The following PPIG variants were observed in gnomAD, a reference collection of about 807,000 sequenced individuals.
PPIG encodes the protein peptidyl-prolyl cis-trans isomerase G.
PPIG carries 26 observed loss-of-function variants against 87.9 expected under a neutral mutation model. That is an observed-to-expected ratio of 0.30 (90% confidence interval 0.22 to 0.41). The LOEUF is 0.41. Ranked by LOEUF, PPIG falls within the 10% of genes least tolerant of loss-of-function variation. The probability of loss-of-function intolerance (pLI) is 1.00; values close to 1 mark genes in which losing one functional copy is unlikely to be tolerated. For synonymous variants in PPIG, 308 were observed against 276.5 expected (o/e 1.11, Z -1.13); for missense variants, 722 against 879.4 (o/e 0.82, Z 2.26).
intron 1 of PPIG, among the ~76,000 whole-genome samples, chr2:169,591,290 T>C (rs1574433981): frequency 6.6e-6 from 1 of 152,316 alleles, no homozygotes; most frequent in East Asian, 1.9e-4. Context: ...GGTTACCTCT[T>C]ACTGATTTTT....
intron 1 of PPIG, among the ~76,000 whole-genome samples, chr2:169,594,502 C>T (rs1056055947): frequency 2.6e-5 from 4 of 151,920 alleles, no homozygotes; most frequent in Non-Finnish European, 4.4e-5. Flanking sequence ...CTTACTGATA[C>T]GTGTGAAATT....
At chr2:169,612,190 T>G (rs1012888688) in intron 7 of PPIG, among the ~76,000 whole-genome samples, 12 of 152,050 alleles carry the variant, frequency 7.9e-5, no homozygotes, top group African/African-American at 2.9e-4. Flanking sequence ...ATTTCCAGAA[T>G]TGTTTCATTG....
At chr2:169,619,932 T>G (rs2105506390) in intron 9 of PPIG, among the ~76,000 whole-genome samples, 1 of 152,272 alleles carries the variant, frequency 6.6e-6, no homozygotes, top group East Asian at 1.9e-4. Context: ...ATCAGGTTGT[T>G]TTCTTGCTGA....
chr2:169,630,532 A>C (rs1010040860), intron 9 of PPIG, among the ~76,000 whole-genome samples: 2 of 152,176 alleles, frequency 1.3e-5, no homozygotes, highest in South Asian at 2.1e-4. Context: ...TTAGTTTAGC[A>C]TTTTAGACTC....
At chr2:169,609,338 T>C (rs937138386) in intron 7 of PPIG, among the ~76,000 whole-genome samples, 1 of 152,006 alleles carries the variant, frequency 6.6e-6, no homozygotes, top group African/African-American at 2.4e-5. Context: ...GCCTTTCAAG[T>C]AGATGGGACT....
rs1294628036 is a variant in PPIG at position 169,636,974 on chromosome 2, C to T, written c.1716C>T (p.Ser572=). The change falls in exon 14 of 14, where the codon AGC becomes AGT. Residue 572 remains serine (S), a synonymous_variant. Coordinates refer to ENST00000260970, the MANE Select transcript of PPIG (RefSeq NM_004792.3). ...AACGAAGCAGAAGTAGGGACAGAAG[C>T]AGAAGAGTGCGATCAAGAACCCATG... ...TRERSRSRDR[S]RRVRSRTHDR... is the part of the protein sequence containing the mutation. The T allele has an allele frequency of 2.5e-6, 4 of 1,613,676 alleles. No individual in the cohort carries two copies. The highest frequency in any genetic ancestry group is 3.4e-6 in the Non-Finnish European group (4 of 1,179,930).
rs1362120403 is a variant in PPIG at position 169,636,030 on chromosome 2, C to T, written c.1018-62C>T. ...ACCCCAGTACTTCCCTCCCTCCCAG[C>T]ACCCATGCGAGTCCCTCTATACTTC... is the stretch of plus-strand genomic sequence containing the variant. On this transcript the variant is annotated intron_variant, in intron 12 of 13. Transcript: ENST00000260970. The T allele has an allele frequency of 1.0e-5, 14 of 1,334,460 alleles. No individual in the cohort carries two copies. The Admixed American group carries it at 2.4e-4, about 22-fold the overall frequency. 82.7% of individuals were successfully genotyped at this position (1,334,460 alleles called of 1,614,324 possible).
In PPIG at chr2:169,636,680, T is replaced by C. The variant is rs1455335785; in HGVS notation, c.1422T>C (p.Asp474=). Reference sequence around the variant, plus strand: ...AGAAATCAAAGAGTAAAGAAAGAGATTCAAAACATAATAGAAATGAAGAAA... The same window carrying C: ...AGAAATCAAAGAGTAAAGAAAGAGACTCAAAACATAATAGAAATGAAGAAA... The part of the protein sequence containing the change: ...SKEKSKSKER[D]SKHNRNEEKR... Residue 474 remains aspartate, a synonymous_variant, in exon 14 of 14, where the codon GAT becomes GAC. Coordinates refer to ENST00000260970, the MANE Select transcript of PPIG (RefSeq NM_004792.3). 1.2e-6 allele frequency: 2 copies of C among 1,606,338 alleles called. No individual in the cohort carries two copies. Among genetic ancestry groups the C allele is most frequent in the Non-Finnish European group, 1.7e-6 (2 of 1,178,216 alleles).
chr2:169,636,633 A>C lies in PPIG; in HGVS notation c.1375A>C (p.Lys459Gln). The change falls in exon 14 of 14, where the codon AAA (lysine) becomes CAA (glutamine). Residue 459 changes from lysine to glutamine, a missense_variant. Lys to Gln is a moderately conservative substitution (Grantham distance 53). Coordinates refer to ENST00000260970, the MANE Select transcript of PPIG (RefSeq NM_004792.3). The stretch of plus-strand genomic sequence containing the variant: ...CAAAGTGAAGAAAAGGGCCAAATCT[A>C]AAAGTAGGAGTAAGAGCAAAGAGAA... ...KNKVKKRAKS[K>Q]SRSKSKEKSK... 6.3e-7 allele frequency: 1 copy of C among 1,594,588 alleles called. No individual in the cohort carries two copies. The highest frequency in any genetic ancestry group is 8.5e-7 in the Non-Finnish European group (1 of 1,175,404).
At chr2:169,634,717 C>CT (rs1686140191) in intron 12 of PPIG, among the ~76,000 whole-genome samples, 1 of 151,972 alleles carries the variant, frequency 6.6e-6, no homozygotes, top group African/African-American at 2.4e-5. Context: ...ATATATCTTA[C>CT]CCATCACCGA....
intron 1 of PPIG, among the ~76,000 whole-genome samples, chr2:169,596,956 C>T (rs1685036427): frequency 6.6e-6 from 1 of 152,182 alleles, no homozygotes; most frequent in Non-Finnish European, 1.5e-5. Context: ...CCCACCTTCG[C>T]CTCCCAAAGT....
At chr2:169,621,248 A>G (rs778110353) in intron 9 of PPIG, among the ~76,000 whole-genome samples, 3 of 152,190 alleles carry the variant, frequency 2.0e-5, no homozygotes, top group African/African-American at 7.2e-5. Context: ...TTTTAATTTT[A>G]AAACATCCGA....
chr2:169,633,291 TCTTC>T, intron 12 of PPIG, 44 bp downstream of exon 12: 1 of 1,392,618 alleles, frequency 7.2e-7, no homozygotes, highest in Non-Finnish European at 1.0e-6. Context: ...ATTGCATTTG[TCTTC>T]CTTAAATAAT....
chr2:169,593,761 C>T (rs567323596), intron 1 of PPIG, among the ~76,000 whole-genome samples: 3 of 149,566 alleles, frequency 2.0e-5, no homozygotes, highest in East Asian at 4.0e-4. Flanking sequence ...ACGCCATTCT[C>T]CTGCCTCAGC....
In PPIG at chr2:169,618,826, A is replaced by ATT. The variant is rs35389984; in HGVS notation, c.547+4114_547+4115dup. 7.8e-3 allele frequency among the ~76,000 whole-genome samples: 1,128 copies of ATT among 145,440 alleles called. 7 individuals are homozygous for ATT. The highest frequency in any genetic ancestry group is 0.025 in the African/African-American group (994 of 39,724). On this transcript the variant is annotated intron_variant, in intron 9 of 13. Transcript: ENST00000260970. ...AAAAGACCAGCTTCTGGATTCATTGATTTTTTTTTTTTTAAAGGGTTTTTT... is the reference window on the plus strand; with the variant it reads ...AAAAGACCAGCTTCTGGATTCATTGATTTTTTTTTTTTTTTAAAGGGTTTTTT...
At chr2:169,604,311 C>A in intron 4 of PPIG, 50 bp downstream of exon 4, 1 of 748,040 alleles carries the variant, frequency 1.3e-6, no homozygotes, top group Non-Finnish European at 2.1e-6. Flanking sequence ...TTGACTATGG[C>A]TTGCTTGCTT....
At chr2:169,632,493 G>A (rs1026698312) in intron 11 of PPIG, among the ~76,000 whole-genome samples, 2 of 152,164 alleles carry the variant, frequency 1.3e-5, no homozygotes, top group African/African-American at 4.8e-5. Flanking sequence ...TGTAATCCCA[G>A]CACTTTGGGA....
At chr2:169,634,692 T>C (rs879540351) in intron 12 of PPIG, among the ~76,000 whole-genome samples, 6 of 152,210 alleles carry the variant, frequency 3.9e-5, no homozygotes, top group Non-Finnish European at 1.5e-5. Context: ...AACTTAACTA[T>C]GGTAAGATAC....
At chr2:169,629,084 A>C (rs759066065) in intron 9 of PPIG, among the ~76,000 whole-genome samples, 5 of 152,178 alleles carry the variant, frequency 3.3e-5, no homozygotes, top group Non-Finnish European at 7.3e-5. Flanking sequence ...CTGTAACCAA[A>C]CAACCAACAG....
Sources: gnomAD v4.1 joint callset for allele counts (sites outside exome capture counted in the v4.1 genomes callset) on GRCh38, gnomAD v4.1.1 for gene constraint, MANE v1.5 for transcripts, NCBI Gene and HGNC (gene_info 2026-07-23, HGNC 2026-07-21) for gene names.